ZNF711: variants seen among roughly 807,000 people sequenced by gnomAD.
ZNF711 encodes the protein zinc finger protein 711.
ZNF711 carries 3 observed loss-of-function variants against 43.5 expected under a neutral mutation model. The observed-to-expected ratio is 0.07, with a 90% CI of 0.03 to 0.18. The LOEUF (loss-of-function observed/expected upper bound fraction) is 0.18. Ranked by LOEUF, ZNF711 falls within the 10% of genes least tolerant of loss-of-function variation. The pLI, the probability that ZNF711 is intolerant of heterozygous loss-of-function variation, is 1.00. For synonymous variants in ZNF711, 209 were observed against 207.7 expected (o/e 1.01, Z -0.06); for missense variants, 412 against 604.0 (o/e 0.68, Z 3.33).
chrX:85,244,072 C>T lies in ZNF711; in HGVS notation c.-525C>T, dbSNP rs1193490915. 1.0e-4 allele frequency: 14 copies of T among 139,211 alleles called. No homozygotes were observed. The highest frequency in any genetic ancestry group is 1.4e-4 in the Non-Finnish European group (10 of 72,917). The allele number at this position is 139,211 out of a possible 1,213,427, so 11.5% of individuals were successfully genotyped here. On this transcript the variant is annotated 5_prime_UTR_variant, in exon 1 of 11. Transcript: ENST00000674551. ...GAGGACCTTAAGGGATCCACAGCTG[C>T]CGCCCCCCGCAGCCATCCAGAGCGC...
chrX:85,254,484 G>A (rs1270300495), intron 4 of ZNF711, among the ~76,000 whole-genome samples: 2 of 83,789 alleles, frequency 2.4e-5, no homozygotes, highest in Admixed American at 1.2e-4. Flanking sequence ...GCGGGCGCCT[G>A]TAGTCCCAGC....
At chrX:85,266,555 A>G in intron 7 of ZNF711, among the ~76,000 whole-genome samples, 1 of 110,703 alleles carries the variant, frequency 9.0e-6, no homozygotes, top group Middle Eastern at 4.7e-3. Flanking sequence ...GGATCCCAGT[A>G]TGTGAATCAA....
intron 8 of ZNF711, 67 bp from the exon 9 acceptor site, chrX:85,268,227 A>C: frequency 9.1e-7 from 1 of 1,100,041 alleles, no homozygotes; most frequent in African/African-American, 1.9e-5. Flanking sequence ...GATGTGATCC[A>C]CTAGTAGTCA....
At chrX:85,254,967 T>C (rs1430808161) in intron 4 of ZNF711, among the ~76,000 whole-genome samples, 1 of 111,866 alleles carries the variant, frequency 8.9e-6, no homozygotes, top group Admixed American at 9.5e-5. Context: ...ACTGTTTTAA[T>C]TGGAATGTAG....
chrX:85,271,848 G>T lies in ZNF711; in HGVS notation c.*20G>T, dbSNP rs756138833. 3 of 1,168,782 alleles carry T rather than the reference G, an allele frequency of 2.6e-6. No individual in the cohort carries two copies. Among genetic ancestry groups the T allele is most frequent in the South Asian group, 3.6e-5 (2 of 55,425 alleles). On this transcript the variant is annotated 3_prime_UTR_variant, in exon 11 of 11. Coordinates refer to ENST00000674551, the MANE Select transcript of ZNF711 (RefSeq NM_001330574.2). ...ATGTAATAAGATCAATATAAAGAAA[G>T]AAGCTATTTAGGAGATATGATATGC... is the stretch of plus-strand genomic sequence containing the variant.
rs1340321838 is a variant in ZNF711, at chrX:85,271,194, A to G, written c.1790A>G (p.His597Arg). The G allele has an allele frequency of 3.3e-6, 4 of 1,209,742 alleles. No individual in the cohort carries two copies. The highest frequency in any genetic ancestry group is 4.5e-6 in the Non-Finnish European group (4 of 894,543). The change falls in exon 11 of 11, where the codon CAC (histidine) becomes CGC (arginine). Residue 597 changes from histidine (H) to arginine (R), a missense_variant. By Grantham distance (29) the His-to-Arg change is conservative. Coordinates refer to ENST00000674551, the MANE Select transcript of ZNF711 (RefSeq NM_001330574.2). ...RCADQSNLKT[H>R]IKSKHGNNLP... is the part of the protein sequence containing the mutation. Reference sequence around the variant, plus strand: ...GCAGATCAATCAAATCTGAAAACTCACATTAAGTCTAAACATGGTAACAAT... The same window carrying G: ...GCAGATCAATCAAATCTGAAAACTCGCATTAAGTCTAAACATGGTAACAAT...
At chrX:85,249,649 A>T (rs1050925309) in intron 4 of ZNF711, among the ~76,000 whole-genome samples, 3 of 111,998 alleles carry the variant, frequency 2.7e-5, no homozygotes, top group African/African-American at 9.7e-5. Flanking sequence ...GGAATAGAAT[A>T]TGCATATTGA....
intron 5 of ZNF711, among the ~76,000 whole-genome samples, chrX:85,260,726 A>G (rs1930563509): frequency 1.8e-5 from 2 of 110,294 alleles, no homozygotes; most frequent in Admixed American, 9.7e-5. Context: ...TACTTCACAT[A>G]ATGTTTTCAA....
intron 9 of ZNF711, among the ~76,000 whole-genome samples, chrX:85,269,120 C>T (rs1053263926): frequency 2.3e-4 from 26 of 111,260 alleles, no homozygotes; most frequent in Admixed American, 1.5e-3. Flanking sequence ...TATGTTAACC[C>T]GTAAAATCAA....
chrX:85,269,069 T>C (rs1465283406), intron 9 of ZNF711, among the ~76,000 whole-genome samples: 2 of 111,871 alleles, frequency 1.8e-5, no homozygotes, highest in African/African-American at 6.5e-5. Context: ...CTTTTTAATG[T>C]ATGCACTGAT....
In ZNF711 at chrX:85,268,268, CTTTTTTT is replaced by C; in HGVS notation, c.1055-9_1055-3del. On this transcript the variant is annotated intron_variant, in intron 8 of 10. Transcript: ENST00000674551. ...ATTAGCATATCAGTTTGTAATTGGTCTTTTTTTTTTTTTTTTTTTTTTTAGGAGATGA... is the reference window on the plus strand; with the variant it reads ...ATTAGCATATCAGTTTGTAATTGGTCTTTTTTTTTTTTTTTTAGGAGATGA... The C allele has an allele frequency of 1.5e-5, 14 of 910,883 alleles. No individual in the cohort carries two copies. The highest frequency in any genetic ancestry group is 7.1e-5 in the Admixed American group (2 of 28,208). 75.1% of individuals were successfully genotyped at this position (910,883 alleles called of 1,213,427 possible).
intron 5 of ZNF711, 56 bp from the exon 6 acceptor site, chrX:85,264,216 TTTG>T (rs2147853389): frequency 2.0e-6 from 2 of 994,883 alleles, no homozygotes; most frequent in Non-Finnish European, 2.8e-6. Context: ...TTTTTCTTGT[TTTG>T]TTGTTTTTTG....
intron 10 of ZNF711, 69 bp downstream of exon 10, chrX:85,270,215 A>T: frequency 9.2e-7 from 1 of 1,092,755 alleles, no homozygotes; most frequent in South Asian, 2.0e-5. Flanking sequence ...ACCAAAGAAA[A>T]ATATCGATGG....
chrX:85,266,209 T>G (rs1159457598), intron 7 of ZNF711, among the ~76,000 whole-genome samples: 4 of 111,652 alleles, frequency 3.6e-5, no homozygotes, highest in African/African-American at 9.8e-5. Flanking sequence ...ACTCCAAGTT[T>G]CCTTCCCTAG....
chrX:85,245,877 T>C (rs912877528), intron 1 of ZNF711, 26 bp from the exon 2 acceptor site: 2 of 111,959 alleles, frequency 1.8e-5, no homozygotes, highest in Non-Finnish European at 3.8e-5. Flanking sequence ...TTAAAGTATC[T>C]GATTTTGAAT....
rs1243526857 is a variant in ZNF711, at chrX:85,244,108, C to G, written c.-489C>G. ...AGCCATCCAGAGCGCGGTCACAGTC[C>G]GACTGGCGGCACGGAGGCGGCGGCG... On this transcript the variant is annotated 5_prime_UTR_variant, in exon 1 of 11. Transcript: ENST00000674551. 4 of 147,970 alleles carry G rather than the reference C, an allele frequency of 2.7e-5. No individual in the cohort carries two copies. Among genetic ancestry groups the G allele is most frequent in the Non-Finnish European group, 5.0e-5 (4 of 79,655 alleles). 12.2% of individuals were successfully genotyped at this position (147,970 alleles called of 1,213,427 possible). A position where few individuals can be genotyped will look rare whatever the true frequency, so the allele number is the denominator to read the frequency against.
At chrX:85,263,683 A>C (rs1394086377) in intron 5 of ZNF711, among the ~76,000 whole-genome samples, 1 of 110,214 alleles carries the variant, frequency 9.1e-6, no homozygotes, top group Admixed American at 9.8e-5. Flanking sequence ...TTATGTTCTT[A>C]ATTTTTCTGT....
At chrX:85,268,554 G>T (rs1192513095) in intron 9 of ZNF711, among the ~76,000 whole-genome samples, 1 of 110,483 alleles carries the variant, frequency 9.1e-6, no homozygotes, top group African/African-American at 3.3e-5. Context: ...GTTCCATTTA[G>T]ATTTCCCTCA....
intron 8 of ZNF711, 134 bp from the exon 9 acceptor site, chrX:85,268,160 C>A: frequency 1.3e-6 from 1 of 768,154 alleles, no homozygotes; most frequent in Non-Finnish European, 1.8e-6. Flanking sequence ...AGTGGAAGAA[C>A]ACAACAATTT....
Sources: gnomAD v4.1 joint callset for allele counts (sites outside exome capture counted in the v4.1 genomes callset) on GRCh38, gnomAD v4.1.1 for gene constraint, MANE v1.5 for transcripts, NCBI Gene and HGNC (gene_info 2026-07-23, HGNC 2026-07-21) for gene names.